PRDM16: variants seen among roughly 807,000 people sequenced by gnomAD.
The protein encoded by PRDM16 is PR/SET domain 16.
A neutral mutation model predicts 110.6 loss-of-function variants in PRDM16; 23 were observed. The observed-to-expected ratio is 0.21, with a 90% CI of 0.15 to 0.29. The LOEUF (loss-of-function observed/expected upper bound fraction) is 0.29. Among genes scored for constraint, PRDM16 ranks in the 10% least tolerant of loss-of-function variants. PRDM16 has a pLI of 1.00. For synonymous variants in PRDM16, 799 were observed against 781.8 expected, an observed-to-expected ratio of 1.02 and a Z score of -0.37; for missense variants, 1,615 against 1,794.3, an observed-to-expected ratio of 0.90 and a Z score of 1.81.
chr1:3,224,862 G>A (rs935514718), intron 2 of PRDM16, among the ~76,000 whole-genome samples: 2 of 152,224 alleles, frequency 1.3e-5, no homozygotes, highest in Admixed American at 6.5e-5. Context: ...ATGCAATCTC[G>A]TCTCTGCGGA....
chr1:3,094,332 C>T (rs114476851), intron 1 of PRDM16, among the ~76,000 whole-genome samples: 8 of 152,332 alleles, frequency 5.3e-5, no homozygotes, highest in Middle Eastern at 3.4e-3. Context: ...ATTGTCAGAG[C>T]GGAACGACTT....
chr1:3,394,531 A>G (rs977822394), intron 4 of PRDM16: 109 of 422,222 alleles, frequency 2.6e-4, no homozygotes, highest in African/African-American at 1.9e-3. Context: ...GAGTGGAGCC[A>G]AGGGGCGGGC....
intron 1 of PRDM16, among the ~76,000 whole-genome samples, chr1:3,118,294 A>C (rs1643015338): frequency 6.6e-6 from 1 of 152,198 alleles, no homozygotes; most frequent in African/African-American, 2.4e-5. Flanking sequence ...AGAGTGCAGA[A>C]AATGGAGCCA....
intron 2 of PRDM16, among the ~76,000 whole-genome samples, chr1:3,220,385 AGCCCTCCCCGCG>A (rs1639125598): frequency 6.6e-6 from 1 of 152,162 alleles, no homozygotes; most frequent in Non-Finnish European, 1.5e-5. Flanking sequence ...AGCTACCTGC[AGCCCTCCCCGCG>A]TCTGCCACCT....
At chr1:3,301,942 C>T (rs56371403) in intron 3 of PRDM16, among the ~76,000 whole-genome samples, 43 of 152,308 alleles carry the variant, frequency 2.8e-4, no homozygotes, top group Non-Finnish European at 5.1e-4. Flanking sequence ...CGGGGGACTG[C>T]TGACTTAGCT....
chr1:3,114,207 ACACG>A (rs1417931139), intron 1 of PRDM16, among the ~76,000 whole-genome samples: 83 of 82,986 alleles, frequency 1.0e-3, no homozygotes, highest in African/African-American at 3.0e-3. Context: ...ACGCACGCAC[ACACG>A]CACACGAACA....
Position 3,134,911 on chromosome 1 carries a change from C to G in PRDM16, c.38-51214C>G, listed in dbSNP as rs894458244. 8.5e-5 allele frequency among the ~76,000 whole-genome samples: 13 copies of G among 152,176 alleles called. No individual in the cohort carries two copies. In the East Asian group the frequency reaches 1.7e-3, roughly 20 times the overall value. ...TGAGAGCCCGGCGAGGGGATCGGGC[C>G]GGGTATTAGCCGGGGATTAGACGGC... On this transcript the variant is annotated intron_variant, in intron 1 of 16. Transcript: ENST00000270722.
At chr1:3,333,293 G>C (rs759655404) in intron 3 of PRDM16, among the ~76,000 whole-genome samples, 36 of 152,118 alleles carry the variant, frequency 2.4e-4, no homozygotes, top group Non-Finnish European at 4.3e-4. Context: ...AGACCCCCTT[G>C]GCGTGGCAGG....
intron 3 of PRDM16, among the ~76,000 whole-genome samples, chr1:3,284,501 A>G (rs950480374): frequency 2.6e-5 from 4 of 152,190 alleles, no homozygotes; most frequent in Non-Finnish European, 4.4e-5. Context: ...GAGCAAAGCA[A>G]CTGCCAGGTG....
chr1:3,429,284 A>C (rs2100698997), intron 14 of PRDM16, among the ~76,000 whole-genome samples: 1 of 152,294 alleles, frequency 6.6e-6, no homozygotes, highest in African/African-American at 2.4e-5. Flanking sequence ...TCCCTGTTGG[A>C]GCCAAACCAG....
intron 14 of PRDM16, among the ~76,000 whole-genome samples, chr1:3,430,243 C>T (rs1638729374): frequency 6.6e-6 from 1 of 152,202 alleles, no homozygotes; most frequent in South Asian, 2.1e-4. Context: ...TTATTTAATA[C>T]TGAGGAACCG....
chr1:3,112,452 G>A (rs1455496124), intron 1 of PRDM16, among the ~76,000 whole-genome samples: 2 of 152,214 alleles, frequency 1.3e-5, no homozygotes, highest in South Asian at 4.1e-4. Context: ...GGAGCCCCGC[G>A]CTTGCACAGC....
At chr1:3,101,293 G>T (rs999233471) in intron 1 of PRDM16, among the ~76,000 whole-genome samples, 1 of 152,356 alleles carries the variant, frequency 6.6e-6, no homozygotes, top group Middle Eastern at 3.4e-3. Flanking sequence ...GGAAAAGCCT[G>T]AGATGAGGGC....
At chr1:3,214,271 AC>A (rs1638969462) in intron 2 of PRDM16, among the ~76,000 whole-genome samples, 1 of 152,128 alleles carries the variant, frequency 6.6e-6, no homozygotes, top group African/African-American at 2.4e-5. Flanking sequence ...GCAACTTCCA[AC>A]CCTAACACTC....
chr1:3,278,176 C>T (rs535867100), intron 3 of PRDM16, among the ~76,000 whole-genome samples: 9 of 152,330 alleles, frequency 5.9e-5, no homozygotes, highest in African/African-American at 1.4e-4. Flanking sequence ...TTACCGTCCT[C>T]GCCTGGTTTT....
intron 1 of PRDM16, among the ~76,000 whole-genome samples, chr1:3,109,613 A>T (rs979301712): frequency 6.6e-6 from 1 of 152,236 alleles, no homozygotes; most frequent in Non-Finnish European, 1.5e-5. Context: ...AGCAGCCCTT[A>T]GGGCTTTTCA....
intron 3 of PRDM16, among the ~76,000 whole-genome samples, chr1:3,266,298 C>G (rs576934835): frequency 1.3e-5 from 2 of 152,140 alleles, no homozygotes; most frequent in South Asian, 2.1e-4. Flanking sequence ...CTGGCACAGC[C>G]GGACGCCAGG....
intron 1 of PRDM16, among the ~76,000 whole-genome samples, chr1:3,182,656 C>T (rs1183069991): frequency 6.6e-6 from 1 of 152,170 alleles, no homozygotes; most frequent in African/African-American, 2.4e-5. Flanking sequence ...TCACCGTGGG[C>T]TCCCAGCCAG....
At chr1:3,366,660 C>T (rs1288225510) in intron 3 of PRDM16, among the ~76,000 whole-genome samples, 5 of 152,198 alleles carry the variant, frequency 3.3e-5, no homozygotes, top group Non-Finnish European at 5.9e-5. Context: ...AAAAGGCCGT[C>T]GCACCACCCT....
Sources: gnomAD v4.1 joint callset for allele counts (sites outside exome capture counted in the v4.1 genomes callset) on GRCh38, gnomAD v4.1.1 for gene constraint, MANE v1.5 for transcripts, NCBI Gene and HGNC (gene_info 2026-07-23, HGNC 2026-07-21) for gene names.